TMC1: variants seen among roughly 807,000 people sequenced by gnomAD.
TMC1 encodes transmembrane channel like 1.
Under a neutral mutation model 105.8 loss-of-function variants are expected in TMC1, and 84 were observed. The ratio of observed to expected loss-of-function variants is 0.79; its 90% confidence interval spans 0.67 to 0.95. The LOEUF is 0.95. TMC1 is among the 40% of genes least tolerant of loss of function. The probability of loss-of-function intolerance (pLI) is 0.00; values close to 1 mark genes in which losing one functional copy is unlikely to be tolerated. For synonymous variants in TMC1, 315 were observed against 311.5 expected, an observed-to-expected ratio of 1.01 and a Z score of -0.12; for missense variants, 817 against 914.1, an observed-to-expected ratio of 0.89 and a Z score of 1.37.
chr9:72,700,743 T>TATATATATATATATATATATATACAC (rs1242969553), intron 8 of TMC1, 100 bp downstream of exon 8: 1 of 130,842 alleles, frequency 7.6e-6, no homozygotes, highest in African/African-American at 4.3e-5. Context: ...TATATATATA[T>TATATATATATATATATATATATACAC]ACACACACAC....
intron 12 of TMC1, among the ~76,000 whole-genome samples, chr9:72,762,635 A>T (rs1265555191): frequency 6.6e-6 from 1 of 152,088 alleles, no homozygotes; most frequent in African/African-American, 2.4e-5. Context: ...TAGAGTTATA[A>T]ATTTTCAAAT....
intron 1 of TMC1, among the ~76,000 whole-genome samples, chr9:72,532,595 G>A (rs916789030): frequency 7.9e-5 from 10 of 127,236 alleles, no homozygotes; most frequent in African/African-American, 2.2e-4. Flanking sequence ...AAACTTTACC[G>A]GAATTAAAGC....
chr9:72,549,026 G>A (rs1823816657), intron 1 of TMC1, among the ~76,000 whole-genome samples: 1 of 152,122 alleles, frequency 6.6e-6, no homozygotes, highest in African/African-American at 2.4e-5. Flanking sequence ...ATAAATATTT[G>A]TGGAATAAAT....
rs113347334 is a variant in TMC1, at chr9:72,637,049, CT to C, written c.-53+8998del. 3.8e-3 allele frequency among the ~76,000 whole-genome samples: 541 copies of C among 142,398 alleles called. 3 individuals carry two copies. The highest frequency in any genetic ancestry group is 0.01 in the African/African-American group (393 of 39,104). The allele number at this position is 142,398 out of a possible 152,430, so 93.4% of individuals were successfully genotyped here. A position where few individuals can be genotyped will look rare whatever the true frequency, so the allele number is the denominator to read the frequency against. ...AGCAGCCTAGAACTTTGAGTTTTTC[CT>C]TTTTTTTTTTTCAATCAACTAATGA... On this transcript the variant is annotated intron_variant, in intron 4 of 23. Transcript: ENST00000297784.
intron 4 of TMC1, among the ~76,000 whole-genome samples, chr9:72,647,311 G>T (rs1413431730): frequency 1.3e-5 from 2 of 151,108 alleles, no homozygotes; most frequent in African/African-American, 2.4e-5. Flanking sequence ...AGTTTCTTTA[G>T]TCTTGTTTTC....
intron 8 of TMC1, among the ~76,000 whole-genome samples, chr9:72,709,882 GT>G (rs1365718871): frequency 6.6e-6 from 1 of 151,916 alleles, no homozygotes; most frequent in Non-Finnish European, 1.5e-5. Context: ...TCTGATCTTT[GT>G]TATTTCTTTT....
intron 10 of TMC1, among the ~76,000 whole-genome samples, chr9:72,744,102 C>G (rs907915697): frequency 6.6e-6 from 1 of 152,178 alleles, no homozygotes; most frequent in Non-Finnish European, 1.5e-5. Flanking sequence ...TTCCCTGTCT[C>G]TCAATATCAG....
chr9:72,652,697 C>T (rs1354415752), intron 5 of TMC1, among the ~76,000 whole-genome samples: 1 of 152,180 alleles, frequency 6.6e-6, no homozygotes, highest in African/African-American at 2.4e-5. Context: ...GTCTTTGTCT[C>T]ATCATAATTT....
chr9:72,830,447 T>C lies in TMC1; in HGVS notation c.2130-4T>C. ...ACACTGTATTTTTTTTCTTTTTAATTTAGTTTGGCCATCTATTATCTCAAT... is the reference window on the plus strand; with the variant it reads ...ACACTGTATTTTTTTTCTTTTTAATCTAGTTTGGCCATCTATTATCTCAAT... On this transcript the variant is annotated splice_region_variant and splice_polypyrimidine_tract_variant and intron_variant, in intron 21 of 23. Transcript: ENST00000297784. 1 of 1,608,086 alleles carries C rather than the reference T, an allele frequency of 6.2e-7. No homozygotes were observed. The highest frequency in any genetic ancestry group is 8.5e-7 in the Non-Finnish European group (1 of 1,175,060).
intron 2 of TMC1, among the ~76,000 whole-genome samples, chr9:72,579,730 G>A (rs1824445125): frequency 6.6e-6 from 1 of 152,016 alleles, no homozygotes; most frequent in Admixed American, 6.6e-5. Context: ...TTAAGAATGA[G>A]GAAAACAATA....
At chr9:72,784,143 G>C (rs1828133885) in intron 13 of TMC1, among the ~76,000 whole-genome samples, 1 of 151,948 alleles carries the variant, frequency 6.6e-6, no homozygotes, top group Admixed American at 6.6e-5. Flanking sequence ...CCAACAGAAT[G>C]AGAAAAATAT....
chr9:72,820,979 A>G lies in TMC1; in HGVS notation c.1901A>G (p.Asn634Ser), dbSNP rs541669728. Residue 634 changes from asparagine (N) to serine (S), a missense_variant, in exon 20 of 24, where the codon AAC becomes AGC. By Grantham distance (46) the Asn-to-Ser change is conservative. Coordinates refer to ENST00000297784, the MANE Select transcript of TMC1 (RefSeq NM_138691.3). ...GTCTTCAAAGCTTCCAGATCAAATA[A>G]CTTCTACCTGGGCATGCTACTGCTC... Reference protein sequence around the residue: ...ARVFKASRSNNFYLGMLLLIL... With the variant: ...ARVFKASRSNSFYLGMLLLIL... The G allele has an allele frequency of 6.8e-6, 11 of 1,613,964 alleles. No individual in the cohort carries two copies. The highest frequency in any genetic ancestry group is 1.3e-5 in the African/African-American group (1 of 74,878).
chr9:72,594,547 A>G (rs1014336729), intron 2 of TMC1, among the ~76,000 whole-genome samples: 1 of 152,196 alleles, frequency 6.6e-6, no homozygotes, highest in Non-Finnish European at 1.5e-5. Context: ...TTAGCTCAAA[A>G]TAATCAACAT....
chr9:72,596,301 T>C (rs1005636616), intron 2 of TMC1, among the ~76,000 whole-genome samples: 1 of 152,210 alleles, frequency 6.6e-6, no homozygotes, highest in African/African-American at 2.4e-5. Flanking sequence ...TGCTGGTCAC[T>C]AGGGCCAAGG....
chr9:72,664,307 A>G (rs1461018794), intron 5 of TMC1, among the ~76,000 whole-genome samples: 1 of 152,138 alleles, frequency 6.6e-6, no homozygotes, highest in East Asian at 1.9e-4. Flanking sequence ...TAATGTGTTG[A>G]TCTATGACAT....
intron 4 of TMC1, among the ~76,000 whole-genome samples, chr9:72,644,215 G>T (rs1471869142): frequency 6.6e-6 from 1 of 151,906 alleles, no homozygotes; most frequent in African/African-American, 2.4e-5. Flanking sequence ...CTCCCAGTCT[G>T]TGATTGTCTT....
At chr9:72,724,765 C>A (rs578140243) in intron 8 of TMC1, among the ~76,000 whole-genome samples, 2 of 152,228 alleles carry the variant, frequency 1.3e-5, no homozygotes, top group South Asian at 4.1e-4. Context: ...ATCCTGTCCC[C>A]TAACAGTTTT....
intron 1 of TMC1, among the ~76,000 whole-genome samples, chr9:72,527,900 T>G (rs1436921382): frequency 6.6e-6 from 1 of 152,192 alleles, no homozygotes; most frequent in African/African-American, 2.4e-5. Context: ...TAGTTCTTTC[T>G]TTTGTTCTCT....
intron 20 of TMC1, among the ~76,000 whole-genome samples, chr9:72,823,759 C>T (rs1277714525): frequency 6.6e-6 from 1 of 152,114 alleles, no homozygotes; most frequent in East Asian, 1.9e-4. Context: ...ATTTATAGTT[C>T]TCTAGGTTTT....
Sources: gnomAD v4.1 joint callset for allele counts (sites outside exome capture counted in the v4.1 genomes callset) on GRCh38, gnomAD v4.1.1 for gene constraint, MANE v1.5 for transcripts, NCBI Gene and HGNC (gene_info 2026-07-23, HGNC 2026-07-21) for gene names.